The following LINGO2 variants were observed in gnomAD, a reference collection of about 807,000 sequenced individuals.
LINGO2 encodes leucine-rich repeat and immunoglobulin-like domain-containing nogo receptor-interacting protein 2.
Under a neutral mutation model 30.6 loss-of-function variants are expected in LINGO2, and 14 were observed. The observed-to-expected ratio is 0.46, with a 90% confidence interval of 0.30 to 0.72. LINGO2 has a LOEUF of 0.72. Ranked by LOEUF, LINGO2 falls within the 30% of genes least tolerant of loss-of-function variation. The pLI is 0.07. For missense variants in LINGO2, 729 were observed against 751.7 expected (o/e 0.97, Z 0.35); for synonymous variants, 317 against 288.5 (o/e 1.10, Z -1.00).
the LINGO2 span, among the ~76,000 whole-genome samples, chr9:29,017,302 A>T: frequency 2.0e-5 from 3 of 152,176 alleles, no homozygotes; most frequent in Admixed American, 2.0e-4. Flanking sequence ...AGGAAACTCA[A>T]GCACATATAT....
intron 1 of LINGO2, among the ~76,000 whole-genome samples, chr9:28,571,870 T>C (rs1246753571): frequency 6.6e-6 from 1 of 152,066 alleles, no homozygotes; most frequent in African/African-American, 2.4e-5. Context: ...GAGGAACAGA[T>C]CGGCAAATTG....
the LINGO2 span, among the ~76,000 whole-genome samples, chr9:28,766,811 A>C: frequency 4.6e-5 from 1 of 21,938 alleles, no homozygotes; most frequent in East Asian, 3.1e-4. Flanking sequence ...AGAGGGAAGG[A>C]GAGAGAGAGA....
At chr9:28,671,311 A>T (rs1272182607), upstream of LINGO2, among the ~76,000 whole-genome samples, 1 of 152,058 alleles carries the variant, frequency 6.6e-6, no homozygotes, top group East Asian at 1.9e-4. Flanking sequence ...TGGTAGAAAG[A>T]TGGTGCTCCT....
the LINGO2 span, among the ~76,000 whole-genome samples, chr9:28,974,852 A>C: frequency 1.9e-4 from 29 of 152,174 alleles, 1 homozygote; most frequent in South Asian, 5.6e-3. Flanking sequence ...CCTGACTCAA[A>C]ATTAAGACAT....
the LINGO2 span, among the ~76,000 whole-genome samples, chr9:28,991,382 C>T: frequency 3.4e-4 from 52 of 151,502 alleles, no homozygotes; most frequent in Non-Finnish European, 6.5e-4. Flanking sequence ...ACCAAATCTA[C>T]GTCTGATTGG....
intron 4 of LINGO2, among the ~76,000 whole-genome samples, chr9:28,172,031 A>AAAC (rs1197565838): frequency 1.2e-4 from 9 of 75,828 alleles, no homozygotes; most frequent in East Asian, 2.8e-4. Flanking sequence ...AAAAAAAAAA[A>AAAC]AACAAAAAAA....
the LINGO2 span, among the ~76,000 whole-genome samples, chr9:28,877,758 C>T: frequency 6.6e-6 from 1 of 152,052 alleles, no homozygotes; most frequent in Non-Finnish European, 1.5e-5. Flanking sequence ...TCCATAGGAA[C>T]TTTAAAGTAG....
the LINGO2 span, among the ~76,000 whole-genome samples, chr9:28,948,599 A>C: frequency 2.7e-4 from 41 of 152,238 alleles, no homozygotes; most frequent in Admixed American, 1.5e-3. Context: ...ATTATACTAC[A>C]ATCACATAAA....
At chr9:28,629,197 A>T (rs1319152199) in intron 1 of LINGO2, among the ~76,000 whole-genome samples, 1 of 152,088 alleles carries the variant, frequency 6.6e-6, no homozygotes, top group East Asian at 1.9e-4. Context: ...ATACAGGAGC[A>T]GATGGGTGAT....
the LINGO2 span, among the ~76,000 whole-genome samples, chr9:29,065,449 G>C: frequency 7.9e-5 from 12 of 152,058 alleles, no homozygotes; most frequent in African/African-American, 2.9e-4. Flanking sequence ...TTTTTATATA[G>C]TGAAAGGAAC....
intron 4 of LINGO2, among the ~76,000 whole-genome samples, chr9:28,189,265 G>GAGGAAGGAAGGAAGGA (rs1819663808): frequency 3.5e-5 from 2 of 57,350 alleles, no homozygotes; most frequent in African/African-American, 7.9e-5. Flanking sequence ...GGAAGGAAGG[G>GAGGAAGGAAGGAAGGA]AGGGAGGAAG....
At chr9:28,539,467 T>A (rs1276273513) in intron 1 of LINGO2, among the ~76,000 whole-genome samples, 1 of 152,054 alleles carries the variant, frequency 6.6e-6, no homozygotes, top group Non-Finnish European at 1.5e-5. Flanking sequence ...TTACAAGGTA[T>A]GTGTGCACAC....
intron 3 of LINGO2, among the ~76,000 whole-genome samples, chr9:28,334,451 G>A (rs1825523645): frequency 6.6e-6 from 1 of 152,058 alleles, no homozygotes; most frequent in Admixed American, 6.6e-5. Context: ...AATAGTATGG[G>A]TTTAGGTATC....
intron 4 of LINGO2, among the ~76,000 whole-genome samples, chr9:28,055,522 T>A (rs1291418120): frequency 6.6e-6 from 1 of 152,190 alleles, no homozygotes; most frequent in Admixed American, 6.6e-5. Context: ...AAGGTACTTC[T>A]GTGGATTGGC....
chr9:28,673,667 GATCATCATCATCATCATC>G (rs139919509), upstream of LINGO2, among the ~76,000 whole-genome samples: 2 of 147,060 alleles, frequency 1.4e-5, no homozygotes, highest in Non-Finnish European at 3.0e-5. Flanking sequence ...ACTCTGTCTC[GATCATCATCATCATCATC>G]ATCATCATCA....
intron 5 of LINGO2, among the ~76,000 whole-genome samples, chr9:27,964,676 C>T (rs1476950896): frequency 2.0e-5 from 3 of 152,014 alleles, no homozygotes; most frequent in Admixed American, 2.0e-4. Context: ...TGGAACTGTG[C>T]TATAGATAAC....
At chr9:29,192,145 T>G in the LINGO2 span, among the ~76,000 whole-genome samples, 1 of 152,170 alleles carries the variant, frequency 6.6e-6, no homozygotes, top group Admixed American at 6.5e-5. Context: ...GCATTTATAT[T>G]AGGGTTGTCA....
At chr9:28,173,186 G>T (rs1374739962) in intron 4 of LINGO2, among the ~76,000 whole-genome samples, 1 of 152,156 alleles carries the variant, frequency 6.6e-6, no homozygotes, top group Non-Finnish European at 1.5e-5. Context: ...ACATACTGAA[G>T]TGTATCAGTG....
chr9:28,722,995 G>T, the LINGO2 span, among the ~76,000 whole-genome samples: 1 of 152,088 alleles, frequency 6.6e-6, no homozygotes, highest in Non-Finnish European at 1.5e-5. Context: ...GGGCTGGCTG[G>T]ACCCCACCTG....
Sources: allele counts gnomAD v4.1 joint callset (sites outside exome capture counted in the v4.1 genomes callset), GRCh38; gene constraint gnomAD v4.1.1; transcripts MANE v1.5; gene names NCBI Gene and HGNC (gene_info 2026-07-23, HGNC 2026-07-21).